NXN: variants seen among roughly 807,000 people sequenced by gnomAD.
The protein encoded by NXN is nucleoredoxin, also known as nucleoredoxin 1.
A neutral mutation model predicts 48.6 loss-of-function variants in NXN; 16 were observed. The observed-to-expected ratio is 0.33, with a 90% CI of 0.22 to 0.50. The LOEUF (loss-of-function observed/expected upper bound fraction) is 0.50, where lower values mean the gene tolerates loss of function less well. Ranked by LOEUF, NXN falls within the 20% of genes least tolerant of loss-of-function variation. The pLI is 0.98. For missense variants in NXN, 492 were observed against 605.5 expected, an observed-to-expected ratio of 0.81 and a Z score of 1.97; for synonymous variants, 281 against 269.6, an observed-to-expected ratio of 1.04 and a Z score of -0.41.
rs1395283008 is a variant in NXN, at chr17:979,486, C to T, written c.193G>A (p.Ala65Thr). Residue 65 changes from alanine (A) to threonine (T), a missense_variant, in exon 1 of 8, where the codon GCG becomes ACG. By Grantham distance (58) the Ala-to-Thr change is moderately conservative. Transcript: ENST00000336868. ...AFYGRLRGDAAAGPGPGAGAG... is the reference protein window; with the variant it reads ...AFYGRLRGDATAGPGPGAGAG... ...CCCGCTCCCGGCCCCGGCCCGGCCG[C>T]CGCGTCCCCCCGCAGGCGCCCGTAG... The T allele has an allele frequency of 7.5e-6, 9 of 1,195,636 alleles. No homozygotes were observed. The East Asian group carries it at 1.1e-4, about 15-fold the overall frequency. The allele number at this position is 1,195,636 out of a possible 1,614,324, so 74.1% of individuals were successfully genotyped here.
chr17:852,721 G>T (rs890463917), intron 1 of NXN, among the ~76,000 whole-genome samples: 1 of 152,154 alleles, frequency 6.6e-6, no homozygotes, highest in African/African-American at 2.4e-5. Flanking sequence ...CCCCCTGCAC[G>T]GTTGGGATTA....
At chr17:947,732 CAAAA>C (rs1159185042) in intron 1 of NXN, among the ~76,000 whole-genome samples, 1 of 36,664 alleles carries the variant, frequency 2.7e-5, no homozygotes, top group African/African-American at 8.8e-5. Flanking sequence ...GGCTCCCTCT[CAAAA>C]AAAAAAAAAA....
chr17:865,754 T>A lies in NXN; in HGVS notation c.361-39676A>T, dbSNP rs538076951. 1.5e-3 allele frequency among the ~76,000 whole-genome samples: 228 copies of A among 150,154 alleles called. 1 individual carries two copies. Among genetic ancestry groups the A allele is most frequent in the African/African-American group, 5.0e-3 (206 of 40,902 alleles). On this transcript the variant is annotated intron_variant, in intron 1 of 7. Transcript: ENST00000336868. The stretch of plus-strand genomic sequence containing the variant: ...ATCCCAGCACTTTGGGAGGCCGAGG[T>A]GGGCAGATCACTTGAGGTCAGGAGT...
In NXN at chr17:943,275, G is replaced by A. The variant is rs147117677; in HGVS notation, c.360+36044C>T. On this transcript the variant is annotated intron_variant, in intron 1 of 7. Coordinates refer to ENST00000336868, the MANE Select transcript of NXN (RefSeq NM_022463.5). ...GCATGAAGTTACCCAGCGAACCACCGACTCCCAGCTCTGTATGAACTACCC... is the reference window on the plus strand; with the variant it reads ...GCATGAAGTTACCCAGCGAACCACCAACTCCCAGCTCTGTATGAACTACCC... Among the ~76,000 whole-genome samples, 395 of 152,194 alleles carry A rather than the reference G, an allele frequency of 2.6e-3. 1 individual carries two copies. Among genetic ancestry groups the A allele is most frequent in the African/African-American group, 8.9e-3 (369 of 41,496 alleles).
At chr17:976,480 A>C (rs1162460543) in intron 1 of NXN, among the ~76,000 whole-genome samples, 1 of 152,224 alleles carries the variant, frequency 6.6e-6, no homozygotes, top group Non-Finnish European at 1.5e-5. Context: ...TTTAAAAAAA[A>C]TTAGCAATCT....
rs544843822 is a variant in NXN at position 973,539 on chromosome 17, G to A, written c.360+5780C>T. ...TCCCAGGCTTCGTCGATCAGCAGCA[G>A]TCTGGAGCGTCATTGGCAGATAGAA... On this transcript the variant is annotated intron_variant, in intron 1 of 7. Transcript: ENST00000336868. Among the ~76,000 whole-genome samples, 4 of 152,344 alleles carry A rather than the reference G, an allele frequency of 2.6e-5. No homozygotes were observed. In the South Asian group the frequency reaches 8.3e-4, roughly 32 times the overall value.
chr17:812,750 G>T (rs531476197), intron 5 of NXN, among the ~76,000 whole-genome samples: 1 of 122,574 alleles, frequency 8.2e-6, no homozygotes, highest in Admixed American at 8.1e-5. Context: ...GCGTGAGTGA[G>T]AGTGTGCATA....
At chr17:838,851 G>A (rs143734940) in intron 1 of NXN, among the ~76,000 whole-genome samples, 11 of 152,290 alleles carry the variant, frequency 7.2e-5, no homozygotes, top group East Asian at 1.9e-4. Flanking sequence ...AGAACCCACC[G>A]TTCCGGGTTG....
At chr17:868,976 T>A (rs1303177347) in intron 1 of NXN, among the ~76,000 whole-genome samples, 1 of 152,068 alleles carries the variant, frequency 6.6e-6, no homozygotes, top group Non-Finnish European at 1.5e-5. Context: ...GGAGGCTGAG[T>A]GTTGGAGCTT....
intron 1 of NXN, among the ~76,000 whole-genome samples, chr17:843,298 T>C (rs1247736410): frequency 6.6e-6 from 1 of 152,252 alleles, no homozygotes; most frequent in Non-Finnish European, 1.5e-5. Context: ...AGGAGGTTCA[T>C]TGACTGTGCC....
At chr17:892,813 A>G (rs992463080) in intron 1 of NXN, among the ~76,000 whole-genome samples, 33 of 152,360 alleles carry the variant, frequency 2.2e-4, no homozygotes, top group Admixed American at 2.2e-3. Flanking sequence ...CATGTCATTC[A>G]TTATGCATTC....
intron 1 of NXN, among the ~76,000 whole-genome samples, chr17:866,730 A>G (rs1385002097): frequency 6.6e-6 from 1 of 152,256 alleles, no homozygotes; most frequent in Non-Finnish European, 1.5e-5. Context: ...ATTTCAGCCC[A>G]GACCCTATCA....
intron 1 of NXN, among the ~76,000 whole-genome samples, chr17:924,635 T>C (rs1480677356): frequency 6.6e-6 from 1 of 152,248 alleles, no homozygotes; most frequent in Non-Finnish European, 1.5e-5. Flanking sequence ...GTGCATCTCC[T>C]GTTCTGCTAC....
chr17:859,731 A>T (rs539083754), intron 1 of NXN, among the ~76,000 whole-genome samples: 30 of 152,294 alleles, frequency 2.0e-4, no homozygotes, highest in African/African-American at 7.2e-4. Flanking sequence ...GGACCATCCA[A>T]ACCAAACTCA....
chr17:842,130 C>T (rs1377602836), intron 1 of NXN, among the ~76,000 whole-genome samples: 2 of 151,958 alleles, frequency 1.3e-5, no homozygotes, highest in African/African-American at 4.8e-5. Context: ...AGAGAGACTC[C>T]CTCTCAAAAA....
chr17:957,607 G>C (rs1421729779), intron 1 of NXN, among the ~76,000 whole-genome samples: 1 of 151,140 alleles, frequency 6.6e-6, no homozygotes, highest in African/African-American at 2.4e-5. Context: ...ACTCCAGCCT[G>C]GGCGACAGAG....
At chr17:974,075 C>G (rs573604611) in intron 1 of NXN, among the ~76,000 whole-genome samples, 1 of 151,722 alleles carries the variant, frequency 6.6e-6, no homozygotes, top group Non-Finnish European at 1.5e-5. Context: ...TCATGCCGGG[C>G]GCGGTGGCTC....
intron 1 of NXN, among the ~76,000 whole-genome samples, chr17:942,980 C>T (rs1261049086): frequency 7.4e-5 from 9 of 121,054 alleles, no homozygotes; most frequent in Non-Finnish European, 1.2e-4. Context: ...AGGGTGCAGC[C>T]ATGAACTCAC....
chr17:873,493 C>CAAAAAAAAAAAAAAAAAAAAAAAAAA (rs71145783), intron 1 of NXN, among the ~76,000 whole-genome samples: 1 of 74,996 alleles, frequency 1.3e-5, no homozygotes, highest in African/African-American at 4.9e-5. Context: ...ACACTGTCTC[C>CAAAAAAAAAAAAAAAAAAAAAAAAAA]AAAAAAAAAA....
Sources: gnomAD v4.1 joint callset for allele counts (sites outside exome capture counted in the v4.1 genomes callset) on GRCh38, gnomAD v4.1.1 for gene constraint, MANE v1.5 for transcripts, NCBI Gene and HGNC (gene_info 2026-07-23, HGNC 2026-07-21) for gene names.